Variants in NHSL2 observed in about 807,000 individuals in gnomAD.
The protein encoded by NHSL2 is NHS like 2, also known as NHS-like protein 2.
In NHSL2, 27 loss-of-function variants were observed where a neutral mutation model predicts 53.4. The ratio of observed to expected loss-of-function variants is 0.51; its 90% CI spans 0.37 to 0.70. The LOEUF (loss-of-function observed/expected upper bound fraction) is 0.70. Among genes scored for constraint, NHSL2 ranks in the 30% least tolerant of loss-of-function variants. The pLI, the probability that NHSL2 is intolerant of heterozygous loss-of-function variation, is 0.00. For synonymous variants in NHSL2, 408 were observed against 404.1 expected (o/e 1.01, Z -0.12); for missense variants, 892 against 980.1 (o/e 0.91, Z 1.20).
chrX:72,006,156 C>T (rs2042093705), intron 1 of NHSL2, among the ~76,000 whole-genome samples: 4 of 112,236 alleles, frequency 3.6e-5, no homozygotes, highest in Admixed American at 1.9e-4. Flanking sequence ...CAGCAATCTC[C>T]TTACTGGCCT....
chrX:72,149,896 A>G lies in NHSL2; in HGVS notation c.*6322A>G, dbSNP rs2042498130. 1 of 112,352 alleles carries G rather than the reference A, an allele frequency of 8.9e-6. No homozygotes were observed. Among genetic ancestry groups the G allele is most frequent in the South Asian group, 3.6e-4 (1 of 2,754 alleles). 9.3% of individuals were successfully genotyped at this position (112,352 alleles called of 1,213,427 possible). ...GGAAGCTGAGGCCCAGAAAGGTCAA[A>G]TAACTTATATACAAGGTCACACAGT... On this transcript the variant is annotated 3_prime_UTR_variant, in exon 8 of 8. Transcript: ENST00000633930.
At chrX:71,959,195 GC>G (rs1355250981) in intron 1 of NHSL2, among the ~76,000 whole-genome samples, 1 of 112,103 alleles carries the variant, frequency 8.9e-6, no homozygotes, top group Admixed American at 9.4e-5. Flanking sequence ...TGGAGATGGA[GC>G]CCCCACTCAT....
chrX:72,009,174 G>A (rs1347049597), intron 1 of NHSL2, among the ~76,000 whole-genome samples: 7 of 112,600 alleles, frequency 6.2e-5, no homozygotes, highest in Non-Finnish European at 1.3e-4. Context: ...AGGATCCCTG[G>A]AGGGAGTGCT....
At chrX:72,066,468 A>G (rs1229657348) in intron 1 of NHSL2, among the ~76,000 whole-genome samples, 3 of 111,230 alleles carry the variant, frequency 2.7e-5, no homozygotes, top group Non-Finnish European at 5.7e-5. Context: ...GGCCATGGGG[A>G]CACTGGTGCT....
In NHSL2 at chrX:72,091,405, G is replaced by A. The variant is rs773417484; in HGVS notation, c.281-40674G>A. 2.8e-3 allele frequency among the ~76,000 whole-genome samples: 312 copies of A among 110,697 alleles called. 1 individual carries two copies. The highest frequency in any genetic ancestry group is 9.6e-3 in the African/African-American group (292 of 30,324). ...GGAGGCGGAGCTTGCGGTGAGCCGA[G>A]ATCGCGCCACTGCACTCCAGCCTGG... On this transcript the variant is annotated intron_variant, in intron 1 of 7. Transcript: ENST00000633930.
chrX:72,093,750 C>CTT (rs767560384), intron 1 of NHSL2, among the ~76,000 whole-genome samples: 1 of 106,491 alleles, frequency 9.4e-6, no homozygotes, highest in Non-Finnish European at 1.9e-5. Flanking sequence ...TTCTTTCTTT[C>CTT]TTTCTTTCTT....
At chrX:72,133,872 T>G (rs2042330693) in intron 2 of NHSL2, 1 of 362,776 alleles carries the variant, frequency 2.8e-6, no homozygotes, top group Non-Finnish European at 4.8e-6. Context: ...CACCACAGCA[T>G]GAATTTATTG....
chrX:72,007,790 C>T (rs752665486), intron 1 of NHSL2, among the ~76,000 whole-genome samples: 3 of 113,333 alleles, frequency 2.6e-5, no homozygotes, highest in South Asian at 3.6e-4. Flanking sequence ...CCTTGATGAG[C>T]GGGCCAGGAC....
At chrX:71,971,689 A>G (rs2041925577) in intron 1 of NHSL2, among the ~76,000 whole-genome samples, 1 of 112,350 alleles carries the variant, frequency 8.9e-6, no homozygotes, top group South Asian at 3.6e-4. Flanking sequence ...TAGGAAAAAT[A>G]TGTAATTATT....
In NHSL2 at chrX:72,138,839, C is replaced by A; in HGVS notation, c.1291C>A (p.Pro431Thr). The change falls in exon 6 of 8, where the codon CCA becomes ACA. Residue 431 changes from proline to threonine, a missense_variant. Pro to Thr is a conservative substitution (Grantham distance 38). Transcript: ENST00000633930. ...TTCTTGGGTCTCTCTAAACAAAGTC[C>A]CACCTCTGGTTCCTAAGGAGGCTGC... ...GNSWVSLNKV[P>T]PLVPKEAATL... The A allele has an allele frequency of 8.3e-7, 1 of 1,210,682 alleles. No homozygotes were observed. The highest frequency in any genetic ancestry group is 1.1e-6 in the Non-Finnish European group (1 of 894,653).
Position 72,142,307 on chromosome X carries a change from A to G in NHSL2, c.3299A>G (p.Asp1100Gly), listed in dbSNP as rs1249619322. Residue 1100 changes from aspartate (D) to glycine (G), a missense_variant, in exon 7 of 8, where the codon GAT becomes GGT. Asp to Gly is a moderately conservative substitution (Grantham distance 94). Transcript: ENST00000633930. ...DKTAEWIAED[D>G]DDVFVASRTT... Reference sequence around the variant, plus strand: ...ACAGCTGAATGGATTGCAGAGGATGATGATGACGTGTTTGTGGCTTCACGC... The same window carrying G: ...ACAGCTGAATGGATTGCAGAGGATGGTGATGACGTGTTTGTGGCTTCACGC... 3 of 1,159,767 alleles carry G rather than the reference A, an allele frequency of 2.6e-6. No homozygotes were observed. Among genetic ancestry groups the G allele is most frequent in the East Asian group, 6.5e-5 (2 of 30,753 alleles).
chrX:72,114,463 C>A (rs976021963), intron 1 of NHSL2, among the ~76,000 whole-genome samples: 4 of 111,493 alleles, frequency 3.6e-5, no homozygotes, highest in African/African-American at 1.3e-4. Flanking sequence ...CCCAGGAAGC[C>A]GACCCTGAGG....
chrX:72,118,585 C>T (rs915009502), intron 1 of NHSL2, among the ~76,000 whole-genome samples: 6 of 110,886 alleles, frequency 5.4e-5, no homozygotes, highest in African/African-American at 2.0e-4. Context: ...TCACCATGCC[C>T]AGTTAATTTT....
At chrX:72,126,175 AG>A in intron 1 of NHSL2, among the ~76,000 whole-genome samples, 1 of 111,844 alleles carries the variant, frequency 8.9e-6, no homozygotes, top group South Asian at 3.7e-4. Context: ...TTCCTCTTAA[AG>A]GGACAAAGCA....
chrX:72,045,456 C>T (rs1175508576), intron 1 of NHSL2, among the ~76,000 whole-genome samples: 1 of 110,662 alleles, frequency 9.0e-6, no homozygotes, highest in Non-Finnish European at 1.9e-5. Flanking sequence ...AGTGGCCAGT[C>T]AGGAAAACCA....
chrX:72,075,471 AT>A (rs937521316), intron 1 of NHSL2, among the ~76,000 whole-genome samples: 7 of 112,472 alleles, frequency 6.2e-5, no homozygotes, highest in African/African-American at 2.3e-4. Context: ...GCTGGGTGCC[AT>A]TGAAATCTGA....
intron 1 of NHSL2, among the ~76,000 whole-genome samples, chrX:72,032,783 G>A (rs1393902507): frequency 1.8e-5 from 2 of 110,272 alleles, no homozygotes; most frequent in Admixed American, 9.6e-5. Context: ...TGCATGAGCC[G>A]TGGTGTCAGA....
intron 1 of NHSL2, among the ~76,000 whole-genome samples, chrX:71,931,316 C>T (rs1421177006): frequency 8.9e-6 from 1 of 112,180 alleles, no homozygotes; most frequent in Non-Finnish European, 1.9e-5. Flanking sequence ...CTGTGAGTTG[C>T]CTTTTCACTT....
chrX:72,072,916 G>A (rs1338528525), intron 1 of NHSL2, among the ~76,000 whole-genome samples: 5 of 111,474 alleles, frequency 4.5e-5, no homozygotes, highest in South Asian at 3.7e-4. Flanking sequence ...CTTGGGTTCC[G>A]GTCTCTCTTA....
Sources: allele counts gnomAD v4.1 joint callset (sites outside exome capture counted in the v4.1 genomes callset), GRCh38; gene constraint gnomAD v4.1.1; transcripts MANE v1.5; gene names NCBI Gene and HGNC (gene_info 2026-07-23, HGNC 2026-07-21).